TBATA: variants seen among roughly 807,000 people sequenced by gnomAD.
TBATA encodes the protein protein TBATA.
Under a neutral mutation model 38.7 loss-of-function variants are expected in TBATA, and 47 were observed. The observed-to-expected ratio is 1.21, with a 90% CI of 0.96 to 1.55. The LOEUF is 1.55. TBATA is among the 40% of genes most tolerant of loss of function. TBATA has a pLI of 0.00. For missense variants in TBATA, 436 were observed against 435.6 expected (o/e 1.00, Z -0.01); for synonymous variants, 183 against 170.5 (o/e 1.07, Z -0.57).
chr10:70,776,067 A>G (rs1037728631), intron 7 of TBATA, among the ~76,000 whole-genome samples: 4 of 152,084 alleles, frequency 2.6e-5, no homozygotes, highest in African/African-American at 9.7e-5. Context: ...TTGGGGCCTG[A>G]GGTGAAAGGT....
At position 70,782,001 on chromosome 10, in the gene TBATA, C is replaced by G; in HGVS notation, c.77G>C (p.Gly26Ala). 1 of 1,614,234 alleles carries G rather than the reference C, an allele frequency of 6.2e-7. No homozygotes were observed. The highest frequency in any genetic ancestry group is 8.5e-7 in the Non-Finnish European group (1 of 1,180,044). The change falls in exon 4 of 11, where the codon GGG (glycine) becomes GCG (alanine). Residue 26 changes from glycine (G) to alanine (A), a missense_variant. Coordinates refer to ENST00000456372, the MANE Select transcript of TBATA (RefSeq NM_001318241.2). The part of the protein sequence containing the change: ...KAELKLEKKS[G>A]RKPRSPRDSG... ...GTCCCTGGGGCTCCTTGGCTTGCGC[C>G]CTGACTTCTTCTCCAGTTTCAGCTC...
In TBATA at chr10:70,779,606, G is replaced by T; in HGVS notation, c.414C>A (p.Pro138=). The change falls in exon 5 of 11, where the codon CCC becomes CCA. Residue 138 remains proline (P), a synonymous_variant. Coordinates refer to ENST00000456372, the MANE Select transcript of TBATA (RefSeq NM_001318241.2). ...PIGDPQSNRN[P]QLSSEAWKKE... The stretch of plus-strand genomic sequence containing the variant: ...CCAAGTACCCACCAGAAGAAAGCTG[G>T]GGGTTCCGATTAGACTGTGGGTCTC... 1 of 1,503,356 alleles carries T rather than the reference G, an allele frequency of 6.7e-7. No homozygotes were observed. The highest frequency in any genetic ancestry group is 8.8e-7 in the Non-Finnish European group (1 of 1,132,112). 93.1% of individuals were successfully genotyped at this position (1,503,356 alleles called of 1,614,324 possible).
At chr10:70,782,597 G>A in intron 3 of TBATA, 1 of 985,484 alleles carries the variant, frequency 1.0e-6, no homozygotes, top group South Asian at 4.7e-5. Flanking sequence ...TCCCTCCTAG[G>A]AGAGGAAGAG....
chr10:70,777,363 C>T (rs556723828), intron 6 of TBATA, 25 bp from the exon 7 acceptor site: 1 of 1,604,582 alleles, frequency 6.2e-7, no homozygotes, highest in Non-Finnish European at 8.5e-7. Context: ...GCCAGAGACT[C>T]CAGGCAGTCA....
intron 8 of TBATA, among the ~76,000 whole-genome samples, chr10:70,774,617 C>A (rs976680228): frequency 3.9e-5 from 6 of 152,136 alleles, no homozygotes; most frequent in Non-Finnish European, 7.4e-5. Context: ...CCCACCATAT[C>A]CCCGGGCCCA....
Position 70,774,274 on chromosome 10 carries a change from G to A in TBATA, c.859C>T (p.Leu287Phe), listed in dbSNP as rs1329247839. The change falls in exon 9 of 11, where the codon CTC becomes TTC. Residue 287 changes from leucine to phenylalanine, a missense_variant. Coordinates refer to ENST00000456372, the MANE Select transcript of TBATA (RefSeq NM_001318241.2). ...QPLVSIPTEKLLSQLPEVHEP... is the reference protein window; with the variant it reads ...QPLVSIPTEKFLSQLPEVHEP... ...TGCACTTCTGGAAGCTGGCTTAGGAGCTTTTCTGTAGGGATGGAGACTAGG... is the reference window on the plus strand; with the variant it reads ...TGCACTTCTGGAAGCTGGCTTAGGAACTTTTCTGTAGGGATGGAGACTAGG... 1 of 1,611,584 alleles carries A rather than the reference G, an allele frequency of 6.2e-7. No individual in the cohort carries two copies. The highest frequency in any genetic ancestry group is 8.5e-7 in the Non-Finnish European group (1 of 1,179,372).
rs75691339 is a variant in TBATA, at chr10:70,777,173, G to A, written c.673C>T (p.Leu225Phe). ...CTCACCAGCAGCTCCTGATCCTGAA[G>A]GAGGAAAGCCTGGACTCCTTCATGT... Reference protein sequence around the residue: ...SRHEGVQAFLLQDQELLVLEL... With the variant: ...SRHEGVQAFLFQDQELLVLEL... Residue 225 changes from leucine to phenylalanine, a missense_variant, in exon 7 of 11, where the codon CTT becomes TTT. Transcript: ENST00000456372. 2.5e-4 allele frequency: 403 copies of A among 1,612,998 alleles called. 4 individuals carry two copies. In the East Asian group the frequency reaches 8.9e-3, roughly 35 times the overall value.
chr10:70,780,528 G>A (rs948396337), intron 4 of TBATA, among the ~76,000 whole-genome samples: 105 of 151,780 alleles, frequency 6.9e-4, no homozygotes, highest in African/African-American at 2.3e-3. Context: ...GTAGCTACAC[G>A]GACTCCTTGG....
intron 9 of TBATA, 147 bp from the exon 10 acceptor site, chr10:70,772,713 G>C: frequency 1.2e-6 from 1 of 850,358 alleles, no homozygotes; most frequent in South Asian, 1.5e-5. Context: ...CCCTCCTGGA[G>C]GGCCAGAAAA....
At chr10:70,772,416 G>T (rs1305353789) in intron 10 of TBATA, 98 bp downstream of exon 10, 15 of 1,096,784 alleles carry the variant, frequency 1.4e-5, no homozygotes, top group Non-Finnish European at 2.1e-5. Context: ...GCATCCTTGG[G>T]CAGGGACTCA....
chr10:70,775,302 G>A, intron 7 of TBATA, 32 bp from the exon 8 acceptor site: 1 of 1,590,472 alleles, frequency 6.3e-7, no homozygotes, highest in Non-Finnish European at 8.6e-7. Context: ...ATTCCAGCCA[G>A]GAGTACAGGC....
chr10:70,773,813 G>A (rs900195845), intron 9 of TBATA, among the ~76,000 whole-genome samples: 7 of 152,182 alleles, frequency 4.6e-5, no homozygotes, highest in South Asian at 2.1e-4. Flanking sequence ...CCCCCAGTTC[G>A]TAATTAATCT....
chr10:70,775,119 C>T (rs1843220505), intron 8 of TBATA, 70 bp downstream of exon 8: 2 of 1,462,430 alleles, frequency 1.4e-6, no homozygotes, highest in Non-Finnish European at 1.9e-6. Flanking sequence ...TTGAGTCCTG[C>T]AGAACCAGAG....
At chr10:70,773,492 A>G (rs1255633723) in intron 9 of TBATA, among the ~76,000 whole-genome samples, 2 of 150,054 alleles carry the variant, frequency 1.3e-5, no homozygotes, top group East Asian at 2.2e-4. Flanking sequence ...CCGGCCTGCT[A>G]TGTTAGAATC....
rs867763755 is a variant in TBATA, at chr10:70,782,137, A to C, written c.42-101T>G. On this transcript the variant is annotated intron_variant, in intron 3 of 10. Transcript: ENST00000456372. ...CTTGTTACAGAACCCCTTCCTGAGG[A>C]GCTCTGAAATCTGGTTTCCTGGGTT... 2.3e-5 allele frequency: 31 copies of C among 1,342,596 alleles called. No homozygotes were observed. In the Middle Eastern group the frequency reaches 2.9e-3, roughly 124 times the overall value. 83.2% of individuals were successfully genotyped at this position (1,342,596 alleles called of 1,614,324 possible). A position where few individuals can be genotyped will look rare whatever the true frequency, so the allele number is the denominator to read the frequency against.
At position 70,771,481 on chromosome 10, in the gene TBATA, C is replaced by T. The variant is rs1422936000; in HGVS notation, c.974-20G>A. Reference sequence around the variant, plus strand: ...TGTACTCTAGTGGGAGGAGAGACAGCAGGCAGGAGAGGACCGGGAAGGTGG... The same window carrying T: ...TGTACTCTAGTGGGAGGAGAGACAGTAGGCAGGAGAGGACCGGGAAGGTGG... On this transcript the variant is annotated intron_variant, in intron 10 of 10. Coordinates refer to ENST00000456372, the MANE Select transcript of TBATA (RefSeq NM_001318241.2). The T allele has an allele frequency of 6.2e-7, 1 of 1,610,852 alleles. No individual in the cohort carries two copies. The highest frequency in any genetic ancestry group is 1.7e-5 in the Admixed American group (1 of 59,908).
rs1278585016 is a variant in TBATA, at chr10:70,775,217, C to G, written c.747G>C (p.Gln249His). ...ILETDLLSAI[Q>H]FWLLYAPPKE... ...TGGGCGGAGCGTAGAGCAGCCAGAA[C>G]TGGATTGCGCTTAGCAAGTCTGTTT... The change falls in exon 8 of 11, where the codon CAG (glutamine) becomes CAC (histidine). Residue 249 changes from glutamine (Q) to histidine (H), a missense_variant. Gln to His is a conservative substitution (Grantham distance 24). Coordinates refer to ENST00000456372, the MANE Select transcript of TBATA (RefSeq NM_001318241.2). 14 of 1,614,040 alleles carry G rather than the reference C, an allele frequency of 8.7e-6. No individual in the cohort carries two copies. The highest frequency in any genetic ancestry group is 1.2e-5 in the Non-Finnish European group (14 of 1,179,986).
chr10:70,771,663 C>T (rs1428988276), intron 10 of TBATA, among the ~76,000 whole-genome samples: 1 of 152,206 alleles, frequency 6.6e-6, no homozygotes, highest in Non-Finnish European at 1.5e-5. Context: ...TTTCAACATC[C>T]AAGTAACAAA....
Position 70,783,510 on chromosome 10 carries a change from TA to T in TBATA, c.-132del, listed in dbSNP as rs541755666. On this transcript the variant is annotated 5_prime_UTR_variant, in exon 3 of 11. Coordinates refer to ENST00000456372, the MANE Select transcript of TBATA (RefSeq NM_001318241.2). ...CTCTCACGAACTGGTGGTGGAAGTG[TA>T]AACGGGAACAGGCACTTTAGGGGGA... 2,092 of 1,075,284 alleles carry T rather than the reference TA, an allele frequency of 1.9e-3. 13 individuals carry two copies. Among genetic ancestry groups the T allele is most frequent in the East Asian group, 9.5e-3 (388 of 40,760 alleles). 66.6% of individuals were successfully genotyped at this position (1,075,284 alleles called of 1,614,324 possible).
Sources: allele counts gnomAD v4.1 joint callset (sites outside exome capture counted in the v4.1 genomes callset), GRCh38; gene constraint gnomAD v4.1.1; transcripts MANE v1.5; gene names NCBI Gene and HGNC (gene_info 2026-07-23, HGNC 2026-07-21).